The following GRM5 variants were observed in gnomAD, a reference collection of about 807,000 sequenced individuals.
GRM5 encodes the protein metabotropic glutamate receptor 5.
GRM5 carries 19 observed loss-of-function variants against 83.1 expected under a neutral mutation model. That is an observed-to-expected ratio of 0.23 (90% CI 0.16 to 0.34). The LOEUF is 0.34. GRM5 is among the 10% of genes least tolerant of loss of function. GRM5 has a pLI of 1.00. For missense variants in GRM5, 1,160 were observed against 1,588.3 expected (o/e 0.73, Z 4.58); for synonymous variants, 675 against 633.6 (o/e 1.07, Z -0.98).
chr11:88,787,133 G>A (rs1429900340), intron 3 of GRM5, among the ~76,000 whole-genome samples: 41 of 13,074 alleles, frequency 3.1e-3, no homozygotes, highest in African/African-American at 0.015. Context: ...ATGATATGAT[G>A]TGTGTGTGTG....
At chr11:88,779,574 A>T (rs951542721) in intron 3 of GRM5, among the ~76,000 whole-genome samples, 1 of 152,156 alleles carries the variant, frequency 6.6e-6, no homozygotes, top group Non-Finnish European at 1.5e-5. Context: ...AGGAAATGAC[A>T]TCAAAGTTTT....
intron 3 of GRM5, among the ~76,000 whole-genome samples, chr11:88,800,823 G>A (rs75371596): frequency 0.02 from 3,009 of 152,168 alleles, 37 homozygotes; most frequent in Non-Finnish European, 0.03. Context: ...ACTTTCCAGT[G>A]TGGCCATGAG....
intron 3 of GRM5, among the ~76,000 whole-genome samples, chr11:88,796,899 CGT>C (rs36203408): frequency 0.016 from 2,244 of 143,484 alleles, 21 homozygotes; most frequent in Non-Finnish European, 0.022. Context: ...CACACACACA[CGT>C]GTGTGTGTGT....
chr11:88,813,275 G>C (rs996548150), intron 3 of GRM5, among the ~76,000 whole-genome samples: 3 of 152,118 alleles, frequency 2.0e-5, no homozygotes, highest in Non-Finnish European at 4.4e-5. Flanking sequence ...CTTGCAGGTA[G>C]GGGGTACTAA....
intron 2 of GRM5, among the ~76,000 whole-genome samples, chr11:89,020,707 C>T (rs1940962975): frequency 6.6e-6 from 1 of 152,098 alleles, no homozygotes; most frequent in African/African-American, 2.4e-5. Flanking sequence ...ATCCATTATC[C>T]CTGTGAGACC....
At chr11:88,995,434 A>G (rs1256971433) in intron 2 of GRM5, among the ~76,000 whole-genome samples, 1 of 151,194 alleles carries the variant, frequency 6.6e-6, no homozygotes, top group African/African-American at 2.4e-5. Flanking sequence ...AGTCCCAGCT[A>G]CTAGGGAGGC....
chr11:88,895,712 T>A (rs572296477), intron 2 of GRM5, among the ~76,000 whole-genome samples: 94 of 152,080 alleles, frequency 6.2e-4, no homozygotes, highest in African/African-American at 2.2e-3. Flanking sequence ...AATGTCAATA[T>A]GTGAACTATT....
At chr11:88,678,895 A>G (rs1349568149) in intron 3 of GRM5, among the ~76,000 whole-genome samples, 1 of 152,072 alleles carries the variant, frequency 6.6e-6, no homozygotes, top group African/African-American at 2.4e-5. Context: ...TGTGGTAAAA[A>G]GAAGCTTGAC....
chr11:88,610,704 C>G (rs1321122928), intron 4 of GRM5, among the ~76,000 whole-genome samples: 4 of 152,078 alleles, frequency 2.6e-5, no homozygotes, highest in African/African-American at 7.2e-5. Context: ...TTTGGGTGCC[C>G]TTTATTTCTG....
At chr11:88,929,608 G>A (rs1342345947) in intron 2 of GRM5, among the ~76,000 whole-genome samples, 1 of 152,018 alleles carries the variant, frequency 6.6e-6, no homozygotes, top group Non-Finnish European at 1.5e-5. Flanking sequence ...TAAGCATTTT[G>A]TGTTATTATT....
chr11:88,849,834 A>T lies in GRM5; in HGVS notation c.911+72T>A, dbSNP rs1375864529. The T allele has an allele frequency of 7.1e-6, 10 of 1,400,906 alleles. No individual in the cohort carries two copies. The South Asian group carries it at 1.2e-4, about 17-fold the overall frequency. The allele number at this position is 1,400,906 out of a possible 1,614,324, so 86.8% of individuals were successfully genotyped here. A position where few individuals can be genotyped will look rare whatever the true frequency, so the allele number is the denominator to read the frequency against. ...GCTTTGAAAGAATTTTTTATCATACACTAAAAGCTACCCTTCAGTGCTGCC... is the reference window on the plus strand; with the variant it reads ...GCTTTGAAAGAATTTTTTATCATACTCTAAAAGCTACCCTTCAGTGCTGCC... On this transcript the variant is annotated intron_variant, in intron 3 of 9. Coordinates refer to ENST00000305447, the MANE Select transcript of GRM5 (RefSeq NM_001143831.3).
At chr11:88,554,661 C>G (rs1018976530) in intron 8 of GRM5, among the ~76,000 whole-genome samples, 1 of 152,148 alleles carries the variant, frequency 6.6e-6, no homozygotes, top group Non-Finnish European at 1.5e-5. Flanking sequence ...GCATCTGGCA[C>G]TGATGCAGTT....
At chr11:89,062,747 A>G (rs958598701) in intron 1 of GRM5, among the ~76,000 whole-genome samples, 3 of 152,240 alleles carry the variant, frequency 2.0e-5, no homozygotes, top group African/African-American at 7.2e-5. Context: ...AGAGCCCTCC[A>G]GGTGGACCTG....
intron 2 of GRM5, among the ~76,000 whole-genome samples, chr11:88,937,021 T>C (rs1370091506): frequency 6.6e-6 from 1 of 151,736 alleles, no homozygotes; most frequent in Non-Finnish European, 1.5e-5. Context: ...TTGGCTATGG[T>C]ATAATTTACA....
At chr11:88,575,171 T>C (rs1309092253) in intron 7 of GRM5, among the ~76,000 whole-genome samples, 4 of 152,138 alleles carry the variant, frequency 2.6e-5, no homozygotes, top group Non-Finnish European at 5.9e-5. Flanking sequence ...TATTGGTAAC[T>C]GCCTCAACAG....
In GRM5 at chr11:88,913,589, T is replaced by C. The variant is rs569863128; in HGVS notation, c.662-63434A>G. On this transcript the variant is annotated intron_variant, in intron 2 of 9. Transcript: ENST00000305447. ...TTTTTTTTTCCTTCTCTCTCTCTCT[T>C]TTTTTTTTTTTTTTTTAGGTGGAGT... Among the ~76,000 whole-genome samples the C allele has an allele frequency of 5.2e-3, 21 of 4,036 alleles. No individual in the cohort carries two copies. In the East Asian group the frequency reaches 0.088, roughly 17 times the overall value. 2.6% of individuals were successfully genotyped at this position (4,036 alleles called of 152,430 possible).
chr11:89,042,815 A>G (rs1941563205), intron 2 of GRM5, among the ~76,000 whole-genome samples: 1 of 147,502 alleles, frequency 6.8e-6, no homozygotes, highest in African/African-American at 2.7e-5. Flanking sequence ...TTTTAAGTAA[A>G]TAACTGATGG....
chr11:88,660,394 A>G (rs1049051952), intron 3 of GRM5, among the ~76,000 whole-genome samples: 1 of 152,188 alleles, frequency 6.6e-6, no homozygotes, highest in Non-Finnish European at 1.5e-5. Context: ...ATTATATACA[A>G]TGGGCATGGA....
chr11:88,703,449 G>T (rs1192225223), intron 3 of GRM5, among the ~76,000 whole-genome samples: 1 of 152,008 alleles, frequency 6.6e-6, no homozygotes, highest in African/African-American at 2.4e-5. Flanking sequence ...GATCACAGTG[G>T]GACTATGGGT....
Sources: gnomAD v4.1 joint callset for allele counts (sites outside exome capture counted in the v4.1 genomes callset) on GRCh38, gnomAD v4.1.1 for gene constraint, MANE v1.5 for transcripts, NCBI Gene and HGNC (gene_info 2026-07-23, HGNC 2026-07-21) for gene names.